The following ILDR1 variants were observed in gnomAD, a reference collection of about 807,000 sequenced individuals.
ILDR1 encodes immunoglobulin like domain containing receptor 1.
Under a neutral mutation model 62.4 loss-of-function variants are expected in ILDR1, and 56 were observed. The ratio of observed to expected loss-of-function variants is 0.90; its 90% CI spans 0.72 to 1.12. ILDR1 has a LOEUF of 1.12. Ranked by LOEUF, ILDR1 falls within the 50% of genes most tolerant of loss-of-function variation. The pLI, the probability that ILDR1 is intolerant of heterozygous loss-of-function variation, is 0.00. For missense variants in ILDR1, 736 were observed against 710.6 expected (o/e 1.04, Z -0.41); for synonymous variants, 284 against 277.8 (o/e 1.02, Z -0.22).
chr3:122,028,640 A>G, the ILDR1 span, among the ~76,000 whole-genome samples: 391 of 152,378 alleles, frequency 2.6e-3, 2 homozygotes, highest in African/African-American at 8.9e-3. Context: ...TGTAATTCAC[A>G]TAAGAAGCAA....
chr3:121,993,170 C>T lies in ILDR1; in HGVS notation c.1579G>A (p.Gly527Arg), dbSNP rs555873964. The part of the protein sequence containing the change: ...ITPGKNSRKK[G>R]SVERRSEKDS... ...CTCACCGAGCGCCTCTCCACACTCC[C>T]TTTTTTCCTGCTATTCTTGCCTGGA... The change falls in exon 7 of 8, where the codon GGG becomes AGG. Residue 527 changes from glycine (G) to arginine (R), a missense_variant. Gly to Arg is a moderately radical substitution (Grantham distance 125, BLOSUM62 -2). Transcript: ENST00000344209. 23 of 1,606,632 alleles carry T rather than the reference C, an allele frequency of 1.4e-5. 3 individuals are homozygous for T. The South Asian group carries it at 2.1e-4, about 15-fold the overall frequency.
chr3:122,015,284 C>T (rs998644119), intron 1 of ILDR1, among the ~76,000 whole-genome samples: 1 of 152,200 alleles, frequency 6.6e-6, no homozygotes, highest in African/African-American at 2.4e-5. Flanking sequence ...AATCATCATC[C>T]TTCCATACAA....
At chr3:122,018,230 T>C (rs1002436847) in intron 1 of ILDR1, among the ~76,000 whole-genome samples, 27 of 152,318 alleles carry the variant, frequency 1.8e-4, no homozygotes, top group African/African-American at 6.0e-4. Flanking sequence ...GATGAGTTCA[T>C]GTCCTTTGCA....
At chr3:122,001,700 T>TA (rs2071529175) in intron 4 of ILDR1, 45 bp downstream of exon 4, 1 of 1,609,922 alleles carries the variant, frequency 6.2e-7, no homozygotes, top group Admixed American at 1.7e-5. Context: ...GTAAAAGTGT[T>TA]ACGGCAGTGA....
At chr3:122,019,120 G>A (rs1266238049) in intron 1 of ILDR1, among the ~76,000 whole-genome samples, 1 of 152,110 alleles carries the variant, frequency 6.6e-6, no homozygotes, top group Non-Finnish European at 1.5e-5. Context: ...GGATCGGCAG[G>A]GACACTAAAC....
chr3:122,026,013 G>C (rs950149934), upstream of ILDR1, among the ~76,000 whole-genome samples: 11 of 152,158 alleles, frequency 7.2e-5, no homozygotes, highest in African/African-American at 2.7e-4. Context: ...TCCAAGCAGA[G>C]AGACCAGCCT....
At chr3:121,995,381 CA>C (rs1470989226) in intron 5 of ILDR1, among the ~76,000 whole-genome samples, 1 of 152,134 alleles carries the variant, frequency 6.6e-6, no homozygotes, top group African/African-American at 2.4e-5. Flanking sequence ...GGGCCACGTA[CA>C]GTAGAAGGGG....
chr3:121,994,282 G>GGCCT lies in ILDR1; in HGVS notation c.674_677dup (p.Gln227GlyfsTer80). ...CCATCATCTGAGGACCTAGGGCCTG[G>GGCCT]GCCTGCTTCATGTAGCGGTGGCGGG... On this transcript the variant is annotated frameshift_variant, in exon 6 of 8. Transcript: ENST00000344209. LOFTEE classifies it high-confidence loss of function. The GGCCT allele has an allele frequency of 6.5e-7, 1 of 1,535,886 alleles. No homozygotes were observed.
chr3:122,019,236 T>C (rs567785009), intron 1 of ILDR1, among the ~76,000 whole-genome samples: 1 of 152,332 alleles, frequency 6.6e-6, no homozygotes, highest in South Asian at 2.1e-4. Context: ...GAGCAGATAT[T>C]CACATATCAC....
Position 122,001,445 on chromosome 3 carries a change from G to A in ILDR1, c.509C>T (p.Thr170Ile). Residue 170 changes from threonine (T) to isoleucine (I), a missense_variant, in exon 5 of 8, where the codon ACA becomes ATA. Thr to Ile is a moderately conservative substitution (Grantham distance 89). Coordinates refer to ENST00000344209, the MANE Select transcript of ILDR1 (RefSeq NM_001199799.2). ...GGCTCCCAGGATGATGAAGATCACT[G>A]TCAGCCAGTCTGCAGGGGAGAAGCC... The part of the protein sequence containing the change: ...EVKLIVLHWL[T>I]VIFIILGALL... 6.2e-7 allele frequency: 1 copy of A among 1,614,132 alleles called. No homozygotes were observed. The highest frequency in any genetic ancestry group is 8.5e-7 in the Non-Finnish European group (1 of 1,180,022).
upstream of ILDR1, among the ~76,000 whole-genome samples, chr3:122,025,884 G>A (rs963766053): frequency 3.9e-5 from 6 of 152,170 alleles, no homozygotes; most frequent in African/African-American, 1.4e-4. Context: ...CCAGCATCTA[G>A]CATAGTATCT....
At chr3:122,005,924 AAAAC>A (rs1165094593) in intron 2 of ILDR1, among the ~76,000 whole-genome samples, 80 of 140,700 alleles carry the variant, frequency 5.7e-4, no homozygotes, top group South Asian at 2.5e-3. Flanking sequence ...AACAAAAACA[AAAAC>A]AAACAAACAA....
At chr3:122,001,990 A>T in intron 3 of ILDR1, 126 bp from the exon 4 acceptor site, 1 of 1,126,908 alleles carries the variant, frequency 8.9e-7, no homozygotes. Flanking sequence ...TAAAAAAAAA[A>T]TTATCCAGCC....
intron 2 of ILDR1, among the ~76,000 whole-genome samples, chr3:122,006,490 G>C (rs1288400197): frequency 6.6e-6 from 1 of 151,152 alleles, no homozygotes; most frequent in Non-Finnish European, 1.5e-5. Flanking sequence ...AGGGCTGCCT[G>C]GGGGGGCACT....
Position 121,994,412 on chromosome 3 carries a change from T to C in ILDR1, c.647-99A>G, listed in dbSNP as rs894899539. On this transcript the variant is annotated intron_variant, in intron 5 of 7. Coordinates refer to ENST00000344209, the MANE Select transcript of ILDR1 (RefSeq NM_001199799.2). ...CCTAGGGGCCTTGCAAGAGGCCAGCTTCTCTTGTCCATTCTCACCTATTTT... is the reference window on the plus strand; with the variant it reads ...CCTAGGGGCCTTGCAAGAGGCCAGCCTCTCTTGTCCATTCTCACCTATTTT... The C allele has an allele frequency of 3.0e-6, 4 of 1,347,808 alleles. No individual in the cohort carries two copies. The African/African-American group carries it at 5.9e-5, about 20-fold the overall frequency. The allele number at this position is 1,347,808 out of a possible 1,614,324, so 83.5% of individuals were successfully genotyped here.
the ILDR1 span, among the ~76,000 whole-genome samples, chr3:122,028,555 A>T: frequency 6.6e-6 from 1 of 152,202 alleles, no homozygotes; most frequent in Non-Finnish European, 1.5e-5. Flanking sequence ...AAAGGCAAAA[A>T]AGTTATAATT....
At chr3:122,051,545 C>A in the ILDR1 span, among the ~76,000 whole-genome samples, 1 of 152,092 alleles carries the variant, frequency 6.6e-6, no homozygotes, top group African/African-American at 2.4e-5. Context: ...TTCCTGAACT[C>A]ATTGAGCATC....
At chr3:122,049,894 T>G in the ILDR1 span, among the ~76,000 whole-genome samples, 9 of 152,344 alleles carry the variant, frequency 5.9e-5, no homozygotes, top group East Asian at 1.7e-3. Context: ...TTGTCCTTCT[T>G]CCACCATGTG....
At chr3:122,018,970 A>C (rs1299802472) in intron 1 of ILDR1, among the ~76,000 whole-genome samples, 1 of 152,192 alleles carries the variant, frequency 6.6e-6, no homozygotes, top group Non-Finnish European at 1.5e-5. Context: ...GGATATTCTT[A>C]CTTAGGGGTC....
Sources: gnomAD v4.1 joint callset for allele counts (sites outside exome capture counted in the v4.1 genomes callset) on GRCh38, gnomAD v4.1.1 for gene constraint, MANE v1.5 for transcripts, NCBI Gene and HGNC (gene_info 2026-07-23, HGNC 2026-07-21) for gene names.